Variants in ZSWIM6 observed in about 807,000 individuals in gnomAD.
The protein encoded by ZSWIM6 is zinc finger SWIM-type containing 6.
A neutral mutation model predicts 113.2 loss-of-function variants in ZSWIM6; 9 were observed. That is an observed-to-expected ratio of 0.08 (90% CI 0.05 to 0.14). The LOEUF (loss-of-function observed/expected upper bound fraction) is 0.14, where lower values mean the gene tolerates loss of function less well. ZSWIM6 is among the 10% of genes least tolerant of loss of function. The pLI, the probability that ZSWIM6 is intolerant of heterozygous loss-of-function variation, is 1.00. For missense variants in ZSWIM6, 1,162 were observed against 1,552.2 expected (o/e 0.75, Z 4.22); for synonymous variants, 611 against 606.5 (o/e 1.01, Z -0.11).
chr5:61,539,523 A>T, intron 11 of ZSWIM6, 73 bp from the exon 12 acceptor site: 1 of 1,475,954 alleles, frequency 6.8e-7, no homozygotes, highest in South Asian at 1.4e-5. Context: ...GTATGGTTGT[A>T]TGATTTTTGT....
At chr5:61,442,811 T>G (rs886462904) in intron 1 of ZSWIM6, among the ~76,000 whole-genome samples, 9 of 152,190 alleles carry the variant, frequency 5.9e-5, no homozygotes, top group African/African-American at 2.2e-4. Context: ...CTGGAGAAAT[T>G]AGGCAGAGGG....
intron 1 of ZSWIM6, among the ~76,000 whole-genome samples, chr5:61,379,024 TA>T (rs1013377047): frequency 1.8e-4 from 27 of 151,534 alleles, no homozygotes; most frequent in Admixed American, 5.9e-4. Context: ...TACAAGAAGA[TA>T]AAAAAATTAG....
chr5:61,335,693 A>G lies in ZSWIM6; in HGVS notation c.676+2745A>G, dbSNP rs561241326. On this transcript the variant is annotated intron_variant, in intron 1 of 13. Coordinates refer to ENST00000252744, the MANE Select transcript of ZSWIM6 (RefSeq NM_020928.2). ...ACAGAAAGTATTCATTGACTTTTGT[A>G]GAGATGACTAAATTATAGCTACAAT... Among the ~76,000 whole-genome samples, 18 of 152,372 alleles carry G rather than the reference A, an allele frequency of 1.2e-4. No homozygotes were observed. The South Asian group carries it at 3.5e-3, about 30-fold the overall frequency.
chr5:61,337,294 C>A (rs1744422995), intron 1 of ZSWIM6, among the ~76,000 whole-genome samples: 3 of 150,112 alleles, frequency 2.0e-5, no homozygotes, highest in South Asian at 4.2e-4. Context: ...CCAAAAAAAA[C>A]AAAAACAAAA....
chr5:61,352,403 A>G (rs905419017), intron 1 of ZSWIM6, among the ~76,000 whole-genome samples: 2 of 152,230 alleles, frequency 1.3e-5, no homozygotes, highest in African/African-American at 2.4e-5. Flanking sequence ...CCATTTGCAC[A>G]TAGTTGTCTC....
chr5:61,409,075 T>G (rs1411789684), intron 1 of ZSWIM6, among the ~76,000 whole-genome samples: 1 of 115,486 alleles, frequency 8.7e-6, no homozygotes, highest in Non-Finnish European at 1.8e-5. Context: ...GGAAAGGTTT[T>G]TTTTTTTTTT....
chr5:61,482,985 A>G (rs796709747), intron 2 of ZSWIM6, among the ~76,000 whole-genome samples: 1 of 152,228 alleles, frequency 6.6e-6, no homozygotes, highest in South Asian at 2.1e-4. Flanking sequence ...AGCTTACCCC[A>G]AAAAAATAAA....
chr5:61,499,658 T>C (rs13186194), intron 4 of ZSWIM6, among the ~76,000 whole-genome samples: 57,251 of 151,880 alleles, frequency 0.38, 10,933 homozygotes, highest in South Asian at 0.43. Flanking sequence ...AAGAAACAAC[T>C]TGAACAAAGA....
chr5:61,495,705 A>G (rs1290039094), intron 4 of ZSWIM6, among the ~76,000 whole-genome samples: 1 of 152,168 alleles, frequency 6.6e-6, no homozygotes, highest in Non-Finnish European at 1.5e-5. Context: ...AGTATAATGC[A>G]TGGTTTAAAT....
chr5:61,351,239 T>C (rs1433883521), intron 1 of ZSWIM6, among the ~76,000 whole-genome samples: 2 of 152,346 alleles, frequency 1.3e-5, no homozygotes, highest in Non-Finnish European at 2.9e-5. Flanking sequence ...TGTCTTCACT[T>C]GGAACTCTAG....
intron 1 of ZSWIM6, among the ~76,000 whole-genome samples, chr5:61,453,558 T>G (rs1380942705): frequency 6.6e-6 from 1 of 151,976 alleles, no homozygotes; most frequent in Non-Finnish European, 1.5e-5. Flanking sequence ...TATTTTTTTG[T>G]AGAGATGGGG....
rs1394722311 is a variant in ZSWIM6 at position 61,535,542 on chromosome 5, A to G, written c.2304A>G (p.Thr768=). Reference sequence around the variant, plus strand: ...ATCGGGAGAGCGTTCCAATGCACACATTTGCCAAGTATCTCTTCACCTCTC... The same window carrying G: ...ATCGGGAGAGCGTTCCAATGCACACGTTTGCCAAGTATCTCTTCACCTCTC... ...IIHRESVPMH[T]FAKYLFTSLL... The change falls in exon 10 of 14, where the codon ACA becomes ACG. Residue 768 remains threonine, a synonymous_variant. Coordinates refer to ENST00000252744, the MANE Select transcript of ZSWIM6 (RefSeq NM_020928.2). 1.9e-6 allele frequency: 3 copies of G among 1,551,322 alleles called. No homozygotes were observed. Among genetic ancestry groups the G allele is most frequent in the Non-Finnish European group, 2.6e-6 (3 of 1,146,762 alleles).
chr5:61,361,758 A>G (rs1414919249), intron 1 of ZSWIM6, among the ~76,000 whole-genome samples: 1 of 152,174 alleles, frequency 6.6e-6, no homozygotes, highest in Non-Finnish European at 1.5e-5. Context: ...ACAAAAGGCA[A>G]CCCTGTTATT....
chr5:61,461,066 G>A (rs963205798), intron 1 of ZSWIM6, among the ~76,000 whole-genome samples: 9 of 152,058 alleles, frequency 5.9e-5, no homozygotes, highest in Non-Finnish European at 1.2e-4. Context: ...ACACTTACTT[G>A]CTTTTGTATT....
chr5:61,434,388 T>C (rs1251931549), intron 1 of ZSWIM6, among the ~76,000 whole-genome samples: 1 of 151,902 alleles, frequency 6.6e-6, no homozygotes, highest in East Asian at 1.9e-4. Flanking sequence ...TTTTGGTGTA[T>C]CTGTCACCTG....
intron 1 of ZSWIM6, among the ~76,000 whole-genome samples, chr5:61,377,636 G>C (rs1211124840): frequency 6.6e-6 from 1 of 151,516 alleles, no homozygotes; most frequent in Non-Finnish European, 1.5e-5. Context: ...AGAATCTCTT[G>C]AACCTGTGAA....
At chr5:61,453,457 CCTGGA>C (rs1041253560) in intron 1 of ZSWIM6, among the ~76,000 whole-genome samples, 6 of 151,286 alleles carry the variant, frequency 4.0e-5, no homozygotes, top group African/African-American at 1.2e-4. Context: ...CTCACTGCAG[CCTGGA>C]CCTCCTGGGC....
At chr5:61,357,111 C>G (rs1744930773) in intron 1 of ZSWIM6, among the ~76,000 whole-genome samples, 1 of 152,038 alleles carries the variant, frequency 6.6e-6, no homozygotes, top group Non-Finnish European at 1.5e-5. Context: ...GAGATGGGGC[C>G]TAGCATCTGG....
chr5:61,333,031 C>G (rs1333625609), intron 1 of ZSWIM6, 83 bp downstream of exon 1: 1 of 1,082,544 alleles, frequency 9.2e-7, no homozygotes, highest in Non-Finnish European at 1.1e-6. Context: ...CTCCTGCGGA[C>G]AGCCCCTAGT....
Sources: gnomAD v4.1 joint callset for allele counts (sites outside exome capture counted in the v4.1 genomes callset) on GRCh38, gnomAD v4.1.1 for gene constraint, MANE v1.5 for transcripts, NCBI Gene and HGNC (gene_info 2026-07-23, HGNC 2026-07-21) for gene names.